The following TNN variants were observed in gnomAD, a reference collection of about 807,000 sequenced individuals.
TNN encodes tenascin-N.
TNN carries 122 observed loss-of-function variants against 134.4 expected under a neutral mutation model. The observed-to-expected ratio is 0.91, with a 90% confidence interval of 0.78 to 1.06. The LOEUF (loss-of-function observed/expected upper bound fraction) is 1.06, where lower values mean the gene tolerates loss of function less well. Among genes scored for constraint, TNN ranks in the 50% least tolerant of loss-of-function variants. The pLI, the probability that TNN is intolerant of heterozygous loss-of-function variation, is 0.00. For synonymous variants in TNN, 710 were observed against 670.3 expected (o/e 1.06, Z -0.91); for missense variants, 1,739 against 1,699.4 (o/e 1.02, Z -0.41).
intron 9 of TNN, among the ~76,000 whole-genome samples, chr1:175,101,200 T>G (rs1002984930): frequency 8.6e-5 from 13 of 152,012 alleles, no homozygotes; most frequent in Admixed American, 7.2e-4. Context: ...TGTTCAGATG[T>G]GTTCGGAGTT....
intron 11 of TNN, among the ~76,000 whole-genome samples, chr1:175,119,874 G>A (rs1021494677): frequency 2.0e-5 from 3 of 152,016 alleles, no homozygotes; most frequent in Non-Finnish European, 4.4e-5. Context: ...TCCTGACCTC[G>A]TGATCCGCCT....
intron 7 of TNN, 91 bp downstream of exon 7, chr1:175,094,344 G>A (rs1361383134): frequency 2.3e-6 from 3 of 1,327,722 alleles, no homozygotes; most frequent in African/African-American, 3.0e-5. Context: ...CCTGGCATCA[G>A]CTCTTTTGTT....
intron 15 of TNN, among the ~76,000 whole-genome samples, chr1:175,133,382 C>G (rs1198536759): frequency 6.6e-6 from 1 of 152,204 alleles, no homozygotes; most frequent in Non-Finnish European, 1.5e-5. Context: ...TGGCTTCTGT[C>G]CATATCTCAC....
intron 11 of TNN, among the ~76,000 whole-genome samples, chr1:175,122,985 G>T (rs950088868): frequency 7.9e-5 from 12 of 152,144 alleles, no homozygotes; most frequent in African/African-American, 2.9e-4. Flanking sequence ...ATTTCCCTGG[G>T]CCTCCATTCT....
chr1:175,097,539 C>T lies in TNN; in HGVS notation c.1711C>T (p.Gln571Ter), dbSNP rs1674599814. ...YVVRYTSADDQETREVLVGKE... is the reference protein window; with the variant it reads ...YVVRYTSADD ...GGTGCGCTACACCTCTGCTGACGAC[C>T]AAGAGACCAGAGAGGTTCTGGTGGG... Residue 571 changes from glutamine (Q) to a stop codon, truncating the protein, a stop_gained, in exon 8 of 19, where the codon CAA becomes TAA. Transcript: ENST00000239462. LOFTEE classifies it high-confidence loss of function. 1.4e-5 allele frequency: 22 copies of T among 1,614,052 alleles called. No homozygotes were observed. Among genetic ancestry groups the T allele is most frequent in the African/African-American group, 2.7e-5 (2 of 74,908 alleles).
chr1:175,125,014 G>T (rs969695301), intron 12 of TNN, among the ~76,000 whole-genome samples: 1 of 152,234 alleles, frequency 6.6e-6, no homozygotes, highest in Non-Finnish European at 1.5e-5. Context: ...CAGTCAAAGA[G>T]GTGGCAGGAG....
intron 9 of TNN, 96 bp downstream of exon 9, chr1:175,098,691 G>A (rs1674639936): frequency 3.9e-6 from 6 of 1,555,684 alleles, no homozygotes; most frequent in Middle Eastern, 1.7e-4. Flanking sequence ...GGGACTTTAT[G>A]GAAGAGCAGG....
chr1:175,092,524 C>T (rs887235451), intron 6 of TNN, among the ~76,000 whole-genome samples: 7 of 152,162 alleles, frequency 4.6e-5, no homozygotes, highest in African/African-American at 7.2e-5. Flanking sequence ...TCACAGTAAC[C>T]TTTCAGTTCA....
At chr1:175,079,967 A>AGTGTGT (rs3833962) in intron 3 of TNN, among the ~76,000 whole-genome samples, 196 bp from the exon 4 acceptor site, 438 of 150,452 alleles carry the variant, frequency 2.9e-3, no homozygotes, top group Non-Finnish European at 4.5e-3. Flanking sequence ...GCTGTGTGTG[A>AGTGTGT]GTGTGTGTGT....
intron 11 of TNN, among the ~76,000 whole-genome samples, chr1:175,120,680 G>T (rs1343633147): frequency 6.6e-6 from 1 of 152,160 alleles, no homozygotes; most frequent in African/African-American, 2.4e-5. Flanking sequence ...AGACCTCACT[G>T]CAAAAAAGGC....
At chr1:175,078,724 C>T (rs945290817) in intron 2 of TNN, among the ~76,000 whole-genome samples, 2 of 152,222 alleles carry the variant, frequency 1.3e-5, no homozygotes, top group Admixed American at 6.5e-5. Context: ...CCAGTCTGCC[C>T]TCCAGCTGCC....
intron 10 of TNN, among the ~76,000 whole-genome samples, chr1:175,117,675 A>G (rs1310118107): frequency 6.6e-6 from 1 of 152,232 alleles, no homozygotes; most frequent in African/African-American, 2.4e-5. Context: ...AGAAATTATG[A>G]TAAGTTCTAT....
intron 11 of TNN, among the ~76,000 whole-genome samples, chr1:175,121,934 T>C (rs775354785): frequency 1.3e-5 from 2 of 152,232 alleles, no homozygotes; most frequent in Non-Finnish European, 2.9e-5. Flanking sequence ...TAAATATTTA[T>C]TGAGTGTCTA....
intron 11 of TNN, among the ~76,000 whole-genome samples, chr1:175,122,942 A>G (rs1056060908): frequency 6.6e-5 from 10 of 152,214 alleles, no homozygotes; most frequent in African/African-American, 2.4e-4. Flanking sequence ...GCTTTAACAT[A>G]AGATGTCAAC....
In TNN at chr1:175,076,444, A is replaced by T. The variant is rs185760451; in HGVS notation, c.-35-940A>T. Among the ~76,000 whole-genome samples, 168 of 152,342 alleles carry T rather than the reference A, an allele frequency of 1.1e-3. 1 individual carries two copies. Among genetic ancestry groups the T allele is most frequent in the African/African-American group, 3.9e-3 (163 of 41,586 alleles). ...GCTCACGGCCTAAGACAAGCTGCAT[A>T]CAAGAGTAACTGTAACACCAGGTCA... On this transcript the variant is annotated intron_variant, in intron 1 of 18. Transcript: ENST00000239462.
Position 175,077,732 on chromosome 1 carries a change from T to A in TNN, c.314T>A (p.Val105Asp). 1 of 1,614,174 alleles carries A rather than the reference T, an allele frequency of 6.2e-7. No homozygotes were observed. The highest frequency in any genetic ancestry group is 8.5e-7 in the Non-Finnish European group (1 of 1,180,022). The change falls in exon 2 of 19, where the codon GTC (valine) becomes GAC (aspartate). Residue 105 changes from valine to aspartate, a missense_variant. Coordinates refer to ENST00000239462, the MANE Select transcript of TNN (RefSeq NM_022093.2). ...AAGGACTGCGAGTTGGCAGGCAGTG[T>A]CCAGGACCTCCTGGCCCGGGTGAAG... ...PQKDCELAGS[V>D]QDLLARVKKL...
intron 9 of TNN, among the ~76,000 whole-genome samples, chr1:175,099,307 A>T (rs1674656727): frequency 6.6e-6 from 1 of 152,050 alleles, no homozygotes; most frequent in Admixed American, 6.6e-5. Flanking sequence ...TTGCTGGGAG[A>T]GGTAAACTGA....
intron 11 of TNN, among the ~76,000 whole-genome samples, chr1:175,119,268 T>C (rs1299852108): frequency 6.6e-6 from 1 of 152,240 alleles, no homozygotes; most frequent in Non-Finnish European, 1.5e-5. Context: ...ATACCTCCCC[T>C]TTTTAGACCA....
intron 1 of TNN, among the ~76,000 whole-genome samples, chr1:175,076,320 TG>T (rs1188436870): frequency 2.6e-5 from 4 of 152,150 alleles, no homozygotes; most frequent in African/African-American, 9.7e-5. Flanking sequence ...CATGCACGGA[TG>T]GATTTGAGAA....
Sources: gnomAD v4.1 joint callset for allele counts (sites outside exome capture counted in the v4.1 genomes callset) on GRCh38, gnomAD v4.1.1 for gene constraint, MANE v1.5 for transcripts, NCBI Gene and HGNC (gene_info 2026-07-23, HGNC 2026-07-21) for gene names.